Variants in FAM81A observed in about 807,000 individuals in gnomAD.
The protein encoded by FAM81A is family with sequence similarity 81 member A, also known as protein FAM81A.
In FAM81A, 19 loss-of-function variants were observed where a neutral mutation model predicts 46.7. That is an observed-to-expected ratio of 0.41 (90% CI 0.28 to 0.60). The LOEUF (loss-of-function observed/expected upper bound fraction) is 0.60. Ranked by LOEUF, FAM81A falls within the 20% of genes least tolerant of loss-of-function variation. FAM81A has a pLI of 0.34. For missense variants in FAM81A, 377 were observed against 453.5 expected (o/e 0.83, Z 1.53); for synonymous variants, 183 against 152.9 (o/e 1.20, Z -1.45).
chr15:59,487,693 C>T (rs1289060609), intron 3 of FAM81A, among the ~76,000 whole-genome samples: 3 of 151,996 alleles, frequency 2.0e-5, no homozygotes, highest in Non-Finnish European at 4.4e-5. Flanking sequence ...CAACCTACCA[C>T]AATTGAATAA....
At position 59,514,187 on chromosome 15, in the gene FAM81A, G is replaced by A. The variant is rs188125668; in HGVS notation, c.651-102G>A. 2,687 of 1,217,070 alleles carry A rather than the reference G, an allele frequency of 2.2e-3. 3 individuals are homozygous for A. The highest frequency in any genetic ancestry group is 2.8e-3 in the Non-Finnish European group (2,483 of 898,222). 75.4% of individuals were successfully genotyped at this position (1,217,070 alleles called of 1,614,324 possible). On this transcript the variant is annotated intron_variant, in intron 6 of 8. Transcript: ENST00000288228. ...AAACCACCATGGCACATGTTTACCT[G>A]TGTAACAAATCTGTATATCCTCAAC...
chr15:59,491,448 G>A (rs1398771603), intron 3 of FAM81A, among the ~76,000 whole-genome samples: 1 of 152,130 alleles, frequency 6.6e-6, no homozygotes, highest in Admixed American at 6.5e-5. Flanking sequence ...GGGTGGAAAT[G>A]TGGATGATTA....
chr15:59,499,431 A>G (rs975026709), intron 4 of FAM81A, among the ~76,000 whole-genome samples: 1 of 152,296 alleles, frequency 6.6e-6, no homozygotes, highest in East Asian at 1.9e-4. Context: ...TTTTTAATCA[A>G]TTATGACAGG....
chr15:59,451,457 T>A (rs1466013920), intron 1 of FAM81A, among the ~76,000 whole-genome samples: 1 of 151,738 alleles, frequency 6.6e-6, no homozygotes, highest in Non-Finnish European at 1.5e-5. Context: ...CCAATAATTT[T>A]TTTTTTTTTT....
At chr15:59,511,415 C>T (rs1361229658) in intron 6 of FAM81A, among the ~76,000 whole-genome samples, 4 of 152,032 alleles carry the variant, frequency 2.6e-5, no homozygotes, top group Non-Finnish European at 5.9e-5. Flanking sequence ...GTATAATTTC[C>T]AAACATTAGA....
chr15:59,461,553 T>C (rs1294235778), intron 3 of FAM81A, among the ~76,000 whole-genome samples: 7 of 152,202 alleles, frequency 4.6e-5, no homozygotes, highest in African/African-American at 1.4e-4. Flanking sequence ...ACTCCTGGGC[T>C]CAAGCAATCT....
chr15:59,438,720 T>TCCA (rs757845493), intron 1 of FAM81A: 3 of 152,224 alleles, frequency 2.0e-5, no homozygotes, highest in Non-Finnish European at 4.4e-5. Context: ...AGAATGCTGT[T>TCCA]GTGCCATCCT....
intron 4 of FAM81A, among the ~76,000 whole-genome samples, chr15:59,502,838 C>T (rs575501533): frequency 6.6e-6 from 1 of 152,130 alleles, no homozygotes; most frequent in South Asian, 2.1e-4. Flanking sequence ...TAATGGGAGT[C>T]TTTGGTATCT....
intron 2 of FAM81A, among the ~76,000 whole-genome samples, chr15:59,429,174 C>T (rs1462509224): frequency 6.6e-6 from 1 of 152,134 alleles, no homozygotes; most frequent in Admixed American, 6.5e-5. Context: ...TGATGTTATT[C>T]GGATTCCTAA....
At chr15:59,403,027 G>A (rs1052732077) in intron 2 of FAM81A, among the ~76,000 whole-genome samples, 3 of 146,698 alleles carry the variant, frequency 2.0e-5, no homozygotes, top group Admixed American at 7.1e-5. Flanking sequence ...GTAGAGGAAC[G>A]CTACTGATTT....
intron 1 of FAM81A, among the ~76,000 whole-genome samples, chr15:59,455,265 C>A (rs2081469733): frequency 6.6e-6 from 1 of 152,024 alleles, no homozygotes; most frequent in African/African-American, 2.4e-5. Context: ...CTTCCCCCAA[C>A]TTCCCCCAAT....
chr15:59,473,742 A>G (rs145113978), intron 3 of FAM81A, among the ~76,000 whole-genome samples: 9 of 152,302 alleles, frequency 5.9e-5, no homozygotes, highest in African/African-American at 1.9e-4. Context: ...TTTTCTGTCA[A>G]CGTAAGAGGT....
upstream of FAM81A, among the ~76,000 whole-genome samples, chr15:59,436,171 C>G (rs965721243): frequency 6.6e-6 from 1 of 152,190 alleles, no homozygotes; most frequent in African/African-American, 2.4e-5. Flanking sequence ...AAGGTGCCTA[C>G]ATATGGCAAG....
upstream of FAM81A, among the ~76,000 whole-genome samples, chr15:59,435,159 T>C (rs1283979623): frequency 2.0e-5 from 3 of 151,834 alleles, no homozygotes; most frequent in Admixed American, 6.6e-5. Flanking sequence ...TGGTGGTGCA[T>C]GTTTGTAGTC....
chr15:59,514,592 CAT>C (rs1487435260), intron 7 of FAM81A, among the ~76,000 whole-genome samples, 168 bp downstream of exon 7: 3 of 152,160 alleles, frequency 2.0e-5, no homozygotes, highest in African/African-American at 7.2e-5. Flanking sequence ...TTCATAAAGA[CAT>C]AGAACACTCT....
intron 1 of FAM81A, among the ~76,000 whole-genome samples, chr15:59,454,675 G>C (rs2081461135): frequency 6.6e-6 from 1 of 152,052 alleles, no homozygotes; most frequent in South Asian, 2.1e-4. Flanking sequence ...ACCCAGGCTA[G>C]AGTGCAGTGG....
intron 2 of FAM81A, among the ~76,000 whole-genome samples, chr15:59,417,549 T>C (rs1219405407): frequency 1.9e-5 from 2 of 105,056 alleles, no homozygotes; most frequent in African/African-American, 4.0e-5. Context: ...CTACTAAAAA[T>C]ACAAAAAAAA....
At chr15:59,480,685 C>T (rs1342076492) in intron 3 of FAM81A, among the ~76,000 whole-genome samples, 6 of 152,104 alleles carry the variant, frequency 3.9e-5, no homozygotes, top group African/African-American at 1.4e-4. Flanking sequence ...ATGCTCAGCA[C>T]ACAGTAGGTG....
intron 2 of FAM81A, among the ~76,000 whole-genome samples, chr15:59,417,075 A>G (rs2081149858): frequency 6.6e-6 from 1 of 152,156 alleles, no homozygotes; most frequent in Non-Finnish European, 1.5e-5. Flanking sequence ...GGAAGGAGCT[A>G]AGACACTTCT....
Sources: gnomAD v4.1 joint callset for allele counts (sites outside exome capture counted in the v4.1 genomes callset) on GRCh38, gnomAD v4.1.1 for gene constraint, MANE v1.5 for transcripts, NCBI Gene and HGNC (gene_info 2026-07-23, HGNC 2026-07-21) for gene names.